The following ANK3 variants were observed in gnomAD, a reference collection of about 807,000 sequenced individuals.
The protein encoded by ANK3 is ankyrin 3, also known as ankyrin-3.
In ANK3, 57 loss-of-function variants were observed where a neutral mutation model predicts 370.9. The observed-to-expected ratio is 0.15, with a 90% confidence interval of 0.12 to 0.19. ANK3 has a LOEUF of 0.19. Among genes scored for constraint, ANK3 ranks in the 10% least tolerant of loss-of-function variants. The pLI is 1.00. For missense variants in ANK3, 4,439 were observed against 5,302.1 expected (o/e 0.84, Z 5.06); for synonymous variants, 1,929 against 1,946.3 (o/e 0.99, Z 0.23).
intron 1 of ANK3, among the ~76,000 whole-genome samples, chr10:60,701,109 TTGAG>T (rs1417723010): frequency 6.6e-6 from 1 of 151,740 alleles, no homozygotes; most frequent in African/African-American, 2.4e-5. Flanking sequence ...AAAGAAACAG[TTGAG>T]TGAGAAAAAT....
intron 21 of ANK3, among the ~76,000 whole-genome samples, chr10:60,168,807 T>A (rs2095694937): frequency 6.6e-6 from 1 of 152,194 alleles, no homozygotes; most frequent in East Asian, 1.9e-4. Context: ...TGGTTTTCTG[T>A]TCCTCCGTTA....
intron 2 of ANK3, among the ~76,000 whole-genome samples, chr10:60,504,398 G>T (rs894311255): frequency 1.3e-5 from 2 of 152,030 alleles, no homozygotes; most frequent in Admixed American, 6.6e-5. Context: ...TTTGTCTCTG[G>T]TATTTTTCAT....
chr10:60,567,741 A>C (rs1382984477), intron 2 of ANK3, among the ~76,000 whole-genome samples: 1 of 152,250 alleles, frequency 6.6e-6, no homozygotes, highest in Non-Finnish European at 1.5e-5. Context: ...TCTAGATCCC[A>C]TTAAGCACAT....
intron 1 of ANK3, among the ~76,000 whole-genome samples, chr10:60,663,465 T>C (rs1455758417): frequency 1.3e-5 from 2 of 151,730 alleles, no homozygotes; most frequent in Non-Finnish European, 2.9e-5. Flanking sequence ...TCCAGGGCTA[T>C]GACTTCCTCA....
intron 23 of ANK3, among the ~76,000 whole-genome samples, chr10:60,148,422 C>T (rs529081499): frequency 1.4e-4 from 21 of 152,246 alleles, no homozygotes; most frequent in African/African-American, 5.1e-4. Context: ...TATATCTAGC[C>T]TGGATTAAGA....
At chr10:60,132,372 G>A (rs897125969) in intron 25 of ANK3, among the ~76,000 whole-genome samples, 33 of 152,192 alleles carry the variant, frequency 2.2e-4, no homozygotes, top group Admixed American at 1.4e-3. Flanking sequence ...GGTATTTCCC[G>A]TGCTGTTCTC....
At chr10:60,118,574 C>G (rs2093268009) in intron 25 of ANK3, among the ~76,000 whole-genome samples, 1 of 150,280 alleles carries the variant, frequency 6.7e-6, no homozygotes, top group Non-Finnish European at 1.5e-5. Flanking sequence ...TTAACAACAA[C>G]TTATACTGAC....
At chr10:60,309,984 T>G (rs2046009010) in intron 1 of ANK3, among the ~76,000 whole-genome samples, 1 of 151,262 alleles carries the variant, frequency 6.6e-6, no homozygotes, top group Admixed American at 6.6e-5. Context: ...AGAGTGCAGT[T>G]GTGTGATCAT....
At chr10:60,247,137 T>C (rs928459233) in intron 7 of ANK3, among the ~76,000 whole-genome samples, 9 of 152,078 alleles carry the variant, frequency 5.9e-5, no homozygotes, top group Non-Finnish European at 1.2e-4. Flanking sequence ...TGCCTCAGCC[T>C]CCCGAGCAGG....
At chr10:60,137,033 C>T (rs570953834) in intron 24 of ANK3, among the ~76,000 whole-genome samples, 3 of 152,226 alleles carry the variant, frequency 2.0e-5, no homozygotes, top group East Asian at 3.9e-4. Context: ...CAGCCCTTCA[C>T]ATCAGGACTT....
At chr10:60,499,460 A>C (rs550499933) in intron 2 of ANK3, among the ~76,000 whole-genome samples, 2 of 152,350 alleles carry the variant, frequency 1.3e-5, no homozygotes, top group African/African-American at 2.4e-5. Flanking sequence ...AAAACTATAC[A>C]CAATAGGTAA....
chr10:60,497,704 C>T (rs1000085913), intron 2 of ANK3, among the ~76,000 whole-genome samples: 4 of 152,174 alleles, frequency 2.6e-5, no homozygotes, highest in African/African-American at 9.7e-5. Flanking sequence ...TTGATTGGCA[C>T]TGTAGCCATC....
chr10:60,043,447 A>G, intron 42 of ANK3: 1 of 984,940 alleles, frequency 1.0e-6, no homozygotes, highest in African/African-American at 1.7e-5. Context: ...AAGGGTAGAG[A>G]TCTGAGAAAC....
At chr10:60,421,198 C>A (rs1462087318) in intron 2 of ANK3, among the ~76,000 whole-genome samples, 1 of 151,928 alleles carries the variant, frequency 6.6e-6, no homozygotes, top group Admixed American at 6.6e-5. Context: ...GCAGCTATTG[C>A]TTAATAATAG....
intron 1 of ANK3, among the ~76,000 whole-genome samples, chr10:60,675,769 G>T (rs1031523194): frequency 2.6e-5 from 4 of 152,092 alleles, no homozygotes; most frequent in African/African-American, 9.7e-5. Flanking sequence ...CTCAAAAGAG[G>T]CAGTATCACA....
chr10:60,699,050 T>C lies in ANK3; in HGVS notation c.57+34213A>G, dbSNP rs557746400. Among the ~76,000 whole-genome samples the C allele has an allele frequency of 1.3e-3, 202 of 151,760 alleles. 1 individual carries two copies. Among genetic ancestry groups the C allele is most frequent in the African/African-American group, 4.6e-3 (191 of 41,430 alleles). ...GGAATGGAAAACTAAACATGGTATG[T>C]TCTCACTGGTATGTGGGAGGTAAGC... On this transcript the variant is annotated intron_variant, in intron 1 of 43. Coordinates refer to the ANK3 transcript ENST00000373827.
At chr10:60,323,354 G>T (rs1341836609) in intron 1 of ANK3, among the ~76,000 whole-genome samples, 1 of 152,168 alleles carries the variant, frequency 6.6e-6, no homozygotes, top group Admixed American at 6.5e-5. Flanking sequence ...TCATACACAG[G>T]CCAAGTAGGC....
chr10:60,099,757 A>T (rs2132062874), intron 28 of ANK3, among the ~76,000 whole-genome samples: 1 of 152,054 alleles, frequency 6.6e-6, no homozygotes, highest in South Asian at 2.1e-4. Context: ...TGTCTTAAAC[A>T]CAATGAATCA....
intron 43 of ANK3, among the ~76,000 whole-genome samples, chr10:60,036,574 T>C (rs1472822098): frequency 6.6e-6 from 1 of 151,700 alleles, no homozygotes; most frequent in Admixed American, 6.6e-5. Context: ...TACCTGGGAC[T>C]ACAGGTGCCC....
Sources: gnomAD v4.1 joint callset for allele counts (sites outside exome capture counted in the v4.1 genomes callset) on GRCh38, gnomAD v4.1.1 for gene constraint, MANE v1.5 for transcripts, NCBI Gene and HGNC (gene_info 2026-07-23, HGNC 2026-07-21) for gene names.